COBL: variants seen among roughly 807,000 people sequenced by gnomAD.
COBL encodes the protein protein cordon-bleu.
A neutral mutation model predicts 98.8 loss-of-function variants in COBL; 51 were observed. The ratio of observed to expected loss-of-function variants is 0.52; its 90% CI spans 0.41 to 0.65. The LOEUF (loss-of-function observed/expected upper bound fraction) is 0.65, where lower values mean the gene tolerates loss of function less well. COBL is among the 30% of genes least tolerant of loss of function. The probability of loss-of-function intolerance (pLI) is 0.00; values close to 1 mark genes in which losing one functional copy is unlikely to be tolerated. For missense variants in COBL, 1,617 were observed against 1,617.5 expected, an observed-to-expected ratio of 1.00 and a Z score of 0.01; for synonymous variants, 634 against 651.7, an observed-to-expected ratio of 0.97 and a Z score of 0.41.
chr7:51,266,771 T>C (rs1798251090), intron 1 of COBL, among the ~76,000 whole-genome samples: 1 of 151,660 alleles, frequency 6.6e-6, no homozygotes, highest in Non-Finnish European at 1.5e-5. Context: ...TTTTTCCACA[T>C]GTTTTTTGAG....
At chr7:51,102,934 G>A (rs1000439725) in intron 6 of COBL, among the ~76,000 whole-genome samples, 16 of 152,178 alleles carry the variant, frequency 1.1e-4, no homozygotes, top group Non-Finnish European at 2.2e-4. Context: ...GCTGTTGAAG[G>A]GGTACAAAGT....
intron 7 of COBL, among the ~76,000 whole-genome samples, chr7:51,076,879 TGTAAA>T (rs1376424672): frequency 6.6e-6 from 1 of 152,200 alleles, no homozygotes; most frequent in Non-Finnish European, 1.5e-5. Context: ...ATTTTAAAAA[TGTAAA>T]GTAAATTGAG....
chr7:51,205,564 T>G (rs1331015081), intron 2 of COBL, among the ~76,000 whole-genome samples: 1 of 150,952 alleles, frequency 6.6e-6, no homozygotes, highest in Admixed American at 6.6e-5. Context: ...GCCATAAAAC[T>G]GTGAGAAGAA....
At chr7:51,245,829 T>C (rs901358932) in intron 1 of COBL, among the ~76,000 whole-genome samples, 5 of 152,162 alleles carry the variant, frequency 3.3e-5, no homozygotes, top group Admixed American at 6.5e-5. Context: ...TATTCAAACA[T>C]TGGGGCACTT....
intron 1 of COBL, among the ~76,000 whole-genome samples, chr7:51,290,112 T>C (rs1800748188): frequency 6.6e-6 from 1 of 152,178 alleles, no homozygotes; most frequent in South Asian, 2.1e-4. Context: ...GGTGGTCATA[T>C]TTGCAACCTG....
chr7:51,297,032 C>A (rs1176875079), intron 1 of COBL, among the ~76,000 whole-genome samples: 1 of 152,138 alleles, frequency 6.6e-6, no homozygotes, highest in Non-Finnish European at 1.5e-5. Context: ...CAGGGAAGCA[C>A]CCTCAAACCC....
intron 1 of COBL, among the ~76,000 whole-genome samples, chr7:51,222,561 A>G (rs1261681950): frequency 6.6e-6 from 1 of 152,186 alleles, no homozygotes; most frequent in East Asian, 1.9e-4. Flanking sequence ...TTATTCAGTC[A>G]TTATTAGAAA....
intron 12 of COBL, among the ~76,000 whole-genome samples, chr7:51,024,134 T>A (rs1029115266): frequency 1.3e-5 from 2 of 151,726 alleles, no homozygotes; most frequent in African/African-American, 4.8e-5. Flanking sequence ...ACAGTGAAAC[T>A]CCATCTCGAC....
chr7:51,285,259 T>C (rs912686233), intron 1 of COBL, among the ~76,000 whole-genome samples: 1 of 148,322 alleles, frequency 6.7e-6, no homozygotes, highest in Non-Finnish European at 1.5e-5. Context: ...AACTTCTTAC[T>C]GGAAATCTAC....
chr7:51,067,199 C>A (rs920724172), intron 7 of COBL, among the ~76,000 whole-genome samples: 1 of 152,220 alleles, frequency 6.6e-6, no homozygotes, highest in African/African-American at 2.4e-5. Context: ...TCTTCACACA[C>A]GTGCAGGCAC....
chr7:51,099,363 T>G (rs897841972), intron 6 of COBL, among the ~76,000 whole-genome samples: 1 of 152,204 alleles, frequency 6.6e-6, no homozygotes, highest in African/African-American at 2.4e-5. Context: ...AACATAAATA[T>G]CTATTGATGG....
intron 6 of COBL, among the ~76,000 whole-genome samples, chr7:51,105,271 T>C (rs1279641379): frequency 6.6e-6 from 1 of 152,186 alleles, no homozygotes; most frequent in Non-Finnish European, 1.5e-5. Flanking sequence ...GGTGAATGCG[T>C]GTTTCTCACA....
chr7:51,262,920 G>A (rs1229107843), intron 1 of COBL, among the ~76,000 whole-genome samples: 2 of 152,082 alleles, frequency 1.3e-5, no homozygotes, highest in East Asian at 1.9e-4. Context: ...AACTGGAACC[G>A]GCAGCAGCCC....
chr7:51,121,383 T>G (rs1797723649), intron 6 of COBL, among the ~76,000 whole-genome samples: 1 of 152,252 alleles, frequency 6.6e-6, no homozygotes, highest in Non-Finnish European at 1.5e-5. Context: ...TTTTTGTTGT[T>G]GAGTTGAAGG....
intron 5 of COBL, among the ~76,000 whole-genome samples, chr7:51,149,719 G>A (rs1400385170): frequency 6.6e-6 from 1 of 152,162 alleles, no homozygotes; most frequent in Non-Finnish European, 1.5e-5. Context: ...AGATTCTCCT[G>A]CCTCAGCCTC....
At chr7:51,236,330 T>C (rs1314635199) in intron 1 of COBL, among the ~76,000 whole-genome samples, 2 of 152,126 alleles carry the variant, frequency 1.3e-5, no homozygotes, top group Non-Finnish European at 2.9e-5. Flanking sequence ...AGAAATCTTA[T>C]GAACCATTCA....
intron 7 of COBL, chr7:51,071,274 AGT>A (rs1792525486): frequency 6.6e-6 from 1 of 152,218 alleles, no homozygotes; most frequent in Non-Finnish European, 1.5e-5. Context: ...CTGAAATGCA[AGT>A]GCTTTGGGAA....
At chr7:51,142,351 T>C (rs1799841196) in intron 5 of COBL, among the ~76,000 whole-genome samples, 1 of 150,982 alleles carries the variant, frequency 6.6e-6, no homozygotes, top group East Asian at 1.9e-4. Flanking sequence ...TTTCTTAAAA[T>C]GAGCAAACAA....
intron 1 of COBL, among the ~76,000 whole-genome samples, chr7:51,286,240 T>TAA (rs552758543): frequency 5.3e-5 from 7 of 132,580 alleles, no homozygotes; most frequent in East Asian, 2.2e-4. Flanking sequence ...GCATAAAGTT[T>TAA]AAAAAAAAAA....
Sources: gnomAD v4.1 joint callset for allele counts (sites outside exome capture counted in the v4.1 genomes callset) on GRCh38, gnomAD v4.1.1 for gene constraint, MANE v1.5 for transcripts, NCBI Gene and HGNC (gene_info 2026-07-23, HGNC 2026-07-21) for gene names.